TAOK1: variants seen among roughly 807,000 people sequenced by gnomAD.
TAOK1 encodes the protein TAO kinase 1.
In TAOK1, 21 loss-of-function variants were observed where a neutral mutation model predicts 138.3. The ratio of observed to expected loss-of-function variants is 0.15; its 90% CI spans 0.11 to 0.22. TAOK1 has a LOEUF of 0.22. Among genes scored for constraint, TAOK1 ranks in the 10% least tolerant of loss-of-function variants. The pLI is 1.00. For missense variants in TAOK1, 651 were observed against 1,227.7 expected (o/e 0.53, Z 7.02); for synonymous variants, 361 against 398.4 (o/e 0.91, Z 1.12).
chr17:29,475,843 C>A, intron 4 of TAOK1, 72 bp downstream of exon 4: 1 of 1,135,918 alleles, frequency 8.8e-7, no homozygotes, highest in Non-Finnish European at 1.3e-6. Context: ...CAGAATATCT[C>A]ATACTGGTTG....
chr17:29,533,045 GT>G (rs1182040503), intron 18 of TAOK1, among the ~76,000 whole-genome samples: 1 of 117,726 alleles, frequency 8.5e-6, no homozygotes, highest in Non-Finnish European at 1.8e-5. Context: ...CCCGGATGGG[GT>G]GGCTGCCGGG....
At chr17:29,416,282 T>G (rs1026785725) in intron 1 of TAOK1, among the ~76,000 whole-genome samples, 1 of 151,998 alleles carries the variant, frequency 6.6e-6, no homozygotes, top group Admixed American at 6.6e-5. Flanking sequence ...AAAAAGATTA[T>G]GTATAGGGAT....
At chr17:29,500,114 A>G (rs2031495992) in intron 12 of TAOK1, among the ~76,000 whole-genome samples, 1 of 152,014 alleles carries the variant, frequency 6.6e-6, no homozygotes, top group South Asian at 2.1e-4. Context: ...GGAGTTGGAG[A>G]ACAGCCTGGG....
chr17:29,467,422 C>T lies in TAOK1; in HGVS notation c.204+206C>T, dbSNP rs547787550. The stretch of plus-strand genomic sequence containing the variant: ...CCGAGTAGCTGGGACTACAGGCACC[C>T]GCCACCACGCCCAGCTAATTTTTTG... On this transcript the variant is annotated intron_variant, in intron 3 of 19. Coordinates refer to ENST00000261716, the MANE Select transcript of TAOK1 (RefSeq NM_020791.4). Among the ~76,000 whole-genome samples, 68 of 152,124 alleles carry T rather than the reference C, an allele frequency of 4.5e-4. No individual in the cohort carries two copies. The East Asian group carries it at 4.6e-3, about 10-fold the overall frequency.
At position 29,390,561 on chromosome 17, in the gene TAOK1, C is replaced by G. The variant is rs887841482; in HGVS notation, c.-558C>G. On this transcript the variant is annotated 5_prime_UTR_variant, in exon 1 of 20. Transcript: ENST00000261716. Reference sequence around the variant, plus strand: ...CGGGGGACCCCGCCCCGCCGTCCGCCGGCCGGCCCGCGGCCTCTCTTCCCT... The same window carrying G: ...CGGGGGACCCCGCCCCGCCGTCCGCGGGCCGGCCCGCGGCCTCTCTTCCCT... The G allele has an allele frequency of 6.6e-6, 1 of 152,482 alleles. No individual in the cohort carries two copies. The highest frequency in any genetic ancestry group is 2.4e-5 in the African/African-American group (1 of 41,420). 9.4% of individuals were successfully genotyped at this position (152,482 alleles called of 1,614,324 possible). A position where few individuals can be genotyped will look rare whatever the true frequency, so the allele number is the denominator to read the frequency against.
intron 1 of TAOK1, among the ~76,000 whole-genome samples, chr17:29,425,627 G>A (rs1432320202): frequency 1.3e-5 from 2 of 152,102 alleles, no homozygotes; most frequent in Non-Finnish European, 2.9e-5. Flanking sequence ...TTACACCACT[G>A]CATTCCAGCC....
intron 8 of TAOK1, among the ~76,000 whole-genome samples, chr17:29,489,118 T>C (rs1294466345): frequency 6.6e-6 from 1 of 152,188 alleles, no homozygotes; most frequent in African/African-American, 2.4e-5. Flanking sequence ...GAAAATGTTC[T>C]TCTTTACAGG....
intron 1 of TAOK1, among the ~76,000 whole-genome samples, chr17:29,422,467 C>T (rs1441833380): frequency 6.6e-6 from 1 of 152,108 alleles, no homozygotes; most frequent in Non-Finnish European, 1.5e-5. Context: ...ATCCGCCCGC[C>T]TCAGCCTCCC....
At chr17:29,405,569 A>G (rs60391689) in intron 1 of TAOK1, among the ~76,000 whole-genome samples, 24,679 of 151,696 alleles carry the variant, frequency 0.16, 3,027 homozygotes, top group East Asian at 0.65. Flanking sequence ...ACCTGAGGTC[A>G]GGAGTTTGAG....
At chr17:29,473,484 A>G (rs1164503620) in intron 3 of TAOK1, among the ~76,000 whole-genome samples, 1 of 151,866 alleles carries the variant, frequency 6.6e-6, no homozygotes, top group African/African-American at 2.4e-5. Flanking sequence ...GAAAATAGAA[A>G]AATTACCCAG....
intron 1 of TAOK1, among the ~76,000 whole-genome samples, chr17:29,435,554 A>T (rs921250683): frequency 6.6e-6 from 1 of 152,140 alleles, no homozygotes; most frequent in Non-Finnish European, 1.5e-5. Flanking sequence ...TAAGGTCCCA[A>T]GATAAACTTG....
chr17:29,498,991 T>C (rs751379266), intron 12 of TAOK1, among the ~76,000 whole-genome samples: 2 of 151,970 alleles, frequency 1.3e-5, no homozygotes, highest in Non-Finnish European at 2.9e-5. Context: ...ACCTGTTATC[T>C]CCATTTGGAA....
chr17:29,444,298 C>G (rs1324327022), intron 1 of TAOK1, among the ~76,000 whole-genome samples: 1 of 152,090 alleles, frequency 6.6e-6, no homozygotes, highest in Non-Finnish European at 1.5e-5. Context: ...TGAACAAGAC[C>G]TTTCTATGTT....
At chr17:29,514,317 C>T (rs1473223727) in intron 15 of TAOK1, 1 of 152,102 alleles carries the variant, frequency 6.6e-6, no homozygotes, top group African/African-American at 2.4e-5. Flanking sequence ...TGATCCTATA[C>T]TAAGAAAAAT....
chr17:29,522,238 A>T, intron 16 of TAOK1, 42 bp from the exon 17 acceptor site: 2 of 1,600,918 alleles, frequency 1.2e-6, no homozygotes, highest in East Asian at 2.2e-5. Flanking sequence ...CTGGCATTAT[A>T]CAGCAGTAAG....
At chr17:29,459,100 C>T (rs561924260) in intron 2 of TAOK1, among the ~76,000 whole-genome samples, 1 of 152,206 alleles carries the variant, frequency 6.6e-6, no homozygotes, top group South Asian at 2.1e-4. Context: ...TTTTGAGCTT[C>T]TGCTTTTCAG....
In TAOK1 at chr17:29,425,999, G is replaced by A. The variant is rs372118428; in HGVS notation, c.-94-25456G>A. Among the ~76,000 whole-genome samples, 22 of 152,250 alleles carry A rather than the reference G, an allele frequency of 1.4e-4. No homozygotes were observed. The South Asian group carries it at 4.6e-3, about 32-fold the overall frequency. On this transcript the variant is annotated intron_variant, in intron 1 of 19. Coordinates refer to ENST00000261716, the MANE Select transcript of TAOK1 (RefSeq NM_020791.4). The stretch of plus-strand genomic sequence containing the variant: ...GGGTTCACGCCATTCTCCTGCCTCA[G>A]CCTCCCGAGTAGCTGGAACTACATG...
rs1322025737 is a variant in TAOK1 at position 29,521,126 on chromosome 17, G to A, written c.1909-1154G>A. 3.3e-5 allele frequency among the ~76,000 whole-genome samples: 5 copies of A among 152,028 alleles called. No individual in the cohort carries two copies. The East Asian group carries it at 7.7e-4, about 23-fold the overall frequency. ...TTATGTGCCTAAAACATATATTGTT[G>A]TTCAGTTTTTAAAACTGTATGTTTT... is the stretch of plus-strand genomic sequence containing the variant. On this transcript the variant is annotated intron_variant, in intron 16 of 19. Coordinates refer to ENST00000261716, the MANE Select transcript of TAOK1 (RefSeq NM_020791.4).
intron 4 of TAOK1, 102 bp downstream of exon 4, chr17:29,475,873 ACC>A: frequency 1.2e-6 from 1 of 832,432 alleles, no homozygotes; most frequent in South Asian, 1.5e-5. Flanking sequence ...ATGCAAAAAC[ACC>A]TGAAATGTTA....
Sources: gnomAD v4.1 joint callset for allele counts (sites outside exome capture counted in the v4.1 genomes callset) on GRCh38, gnomAD v4.1.1 for gene constraint, MANE v1.5 for transcripts, NCBI Gene and HGNC (gene_info 2026-07-23, HGNC 2026-07-21) for gene names.